Variants in COL4A6 observed in about 807,000 individuals in gnomAD.
COL4A6 encodes the protein collagen alpha-6(IV) chain.
A neutral mutation model predicts 126.7 loss-of-function variants in COL4A6; 59 were observed. That is an observed-to-expected ratio of 0.47 (90% CI 0.38 to 0.58). COL4A6 has a LOEUF of 0.58. Ranked by LOEUF, COL4A6 falls within the 20% of genes least tolerant of loss-of-function variation. The probability of loss-of-function intolerance (pLI) is 0.00; values close to 1 mark genes in which losing one functional copy is unlikely to be tolerated. For synonymous variants in COL4A6, 547 were observed against 496.6 expected (o/e 1.10, Z -1.35); for missense variants, 1,285 against 1,337.3 (o/e 0.96, Z 0.61).
At chrX:108,336,371 G>C (rs2039432583) in intron 2 of COL4A6, among the ~76,000 whole-genome samples, 1 of 111,825 alleles carries the variant, frequency 8.9e-6, no homozygotes, top group Admixed American at 9.5e-5. Flanking sequence ...TGTCGAAAAG[G>C]TTATGCTAAA....
intron 2 of COL4A6, among the ~76,000 whole-genome samples, chrX:108,343,159 A>AGTGTG (rs765105305): frequency 4.4e-4 from 30 of 68,928 alleles, no homozygotes; most frequent in Admixed American, 1.2e-3. Flanking sequence ...ATATATATAT[A>AGTGTG]TATATAGTGT....
At chrX:108,280,814 T>C (rs2037791170) in intron 3 of COL4A6, among the ~76,000 whole-genome samples, 1 of 111,534 alleles carries the variant, frequency 9.0e-6, no homozygotes, top group African/African-American at 3.3e-5. Context: ...GTGGGCTTCA[T>C]CCCTGGGATG....
At chrX:108,299,347 A>C (rs2038421283) in intron 3 of COL4A6, among the ~76,000 whole-genome samples, 1 of 111,689 alleles carries the variant, frequency 9.0e-6, no homozygotes, top group Non-Finnish European at 1.9e-5. Context: ...TTCTTAAAGC[A>C]AAGGGGCCCT....
chrX:108,326,704 A>G (rs780200860), intron 2 of COL4A6, among the ~76,000 whole-genome samples: 6 of 112,611 alleles, frequency 5.3e-5, no homozygotes, highest in Non-Finnish European at 1.1e-4. Flanking sequence ...ATTGTCTTAA[A>G]CAAATGGTGC....
chrX:108,273,276 A>G, intron 3 of COL4A6, among the ~76,000 whole-genome samples: 1 of 110,463 alleles, frequency 9.1e-6, no homozygotes, highest in Non-Finnish European at 1.9e-5. Context: ...CAAAACCACA[A>G]TGAGATACTA....
In COL4A6 at chrX:108,188,566, G is replaced by A; in HGVS notation, c.1538C>T (p.Ala513Val). The change falls in exon 21 of 45, where the codon GCC becomes GTC. Residue 513 changes from alanine (A) to valine (V), a missense_variant. Coordinates refer to ENST00000334504, the MANE Select transcript of COL4A6 (RefSeq NM_033641.4). ...GLIGLPGLKG[A>V]RGDRGSGGAQ... ...ACCCCCAGAGCCTCGATCTCCTCTG[G>A]CTCCTTTAAGGCCTGGAAGGCCTAT... is the stretch of plus-strand genomic sequence containing the variant. 1.7e-6 allele frequency: 2 copies of A among 1,197,590 alleles called. No homozygotes were observed. Among genetic ancestry groups the A allele is most frequent in the Non-Finnish European group, 2.3e-6 (2 of 888,735 alleles).
At chrX:108,339,304 C>T (rs1240469679) in intron 2 of COL4A6, among the ~76,000 whole-genome samples, 3 of 112,149 alleles carry the variant, frequency 2.7e-5, no homozygotes, top group African/African-American at 9.7e-5. Flanking sequence ...TAACTGAAAA[C>T]CAATATTAAG....
At chrX:108,343,159 ATATATAGTGTGTGTGTGT>A (rs772990564) in intron 2 of COL4A6, among the ~76,000 whole-genome samples, 2 of 68,948 alleles carry the variant, frequency 2.9e-5, no homozygotes, top group South Asian at 9.0e-4. Flanking sequence ...ATATATATAT[ATATATAGTGTGTGTGTGT>A]GTGTGTGTGT....
At chrX:108,381,951 ACATCT>A (rs1471517569) in intron 2 of COL4A6, among the ~76,000 whole-genome samples, 1 of 110,709 alleles carries the variant, frequency 9.0e-6, no homozygotes, top group African/African-American at 3.3e-5. Context: ...TTTATGACTA[ACATCT>A]CAGCTCATAT....
intron 3 of COL4A6, 46 bp from the exon 4 acceptor site, chrX:108,221,420 A>G: frequency 1.7e-6 from 2 of 1,162,504 alleles, no homozygotes; most frequent in Non-Finnish European, 2.3e-6. Context: ...AGGACTTAGC[A>G]TTAATACTTC....
chrX:108,209,905 C>G, intron 8 of COL4A6, 64 bp downstream of exon 8: 1 of 1,149,566 alleles, frequency 8.7e-7, no homozygotes, highest in Non-Finnish European at 1.2e-6. Context: ...TAGAGAAGAA[C>G]GAAAATGCAC....
At position 108,186,591 on chromosome X, in the gene COL4A6, G is replaced by A. The variant is rs753928219; in HGVS notation, c.1951+505C>T. Among the ~76,000 whole-genome samples the A allele has an allele frequency of 8.1e-5, 9 of 111,741 alleles. No individual in the cohort carries two copies. The South Asian group carries it at 3.4e-3, about 42-fold the overall frequency. On this transcript the variant is annotated intron_variant, in intron 23 of 44. Transcript: ENST00000334504. ...AATTTCTAAAATTCAAGTAGAAAAA[G>A]AAGTTATATAAAGAGGAAGGAGTTA...
chrX:108,253,962 G>C (rs765370962), intron 3 of COL4A6, among the ~76,000 whole-genome samples: 1 of 111,603 alleles, frequency 9.0e-6, no homozygotes, highest in Non-Finnish European at 1.9e-5. Flanking sequence ...GAATTGTTTG[G>C]TTCACTGAGG....
chrX:108,170,049 C>T, intron 35 of COL4A6, 33 bp from the exon 36 acceptor site: 1 of 1,114,900 alleles, frequency 9.0e-7, no homozygotes. Context: ...ATGGCTCCAG[C>T]AACTCTGAAT....
At chrX:108,339,107 G>A (rs1303412605) in intron 2 of COL4A6, among the ~76,000 whole-genome samples, 2 of 112,051 alleles carry the variant, frequency 1.8e-5, no homozygotes, top group East Asian at 5.6e-4. Context: ...TAGTGGGGTT[G>A]GTGGGGCAGG....
chrX:108,413,209 T>C (rs998462187), intron 2 of COL4A6, among the ~76,000 whole-genome samples: 4 of 111,687 alleles, frequency 3.6e-5, no homozygotes, highest in Non-Finnish European at 7.5e-5. Flanking sequence ...AATCTCCAAA[T>C]GAGATTACTG....
At chrX:108,438,500 G>A (rs2064316640), upstream of COL4A6, 2 of 970,819 alleles carry the variant, frequency 2.1e-6, no homozygotes, top group South Asian at 9.5e-5. Flanking sequence ...CCCCTACCTT[G>A]GGCAGCCGGT....
At chrX:108,405,207 T>G (rs767120632) in intron 2 of COL4A6, among the ~76,000 whole-genome samples, 77 of 110,174 alleles carry the variant, frequency 7.0e-4, no homozygotes, top group East Asian at 1.1e-3. Flanking sequence ...TTTTGTTTTT[T>G]TTTTTCTTGA....
intron 3 of COL4A6, among the ~76,000 whole-genome samples, chrX:108,293,566 A>G (rs1326731195): frequency 9.0e-6 from 1 of 110,738 alleles, no homozygotes; most frequent in Non-Finnish European, 1.9e-5. Context: ...AAAATAGCCC[A>G]TGGGTTATAA....
Sources: allele counts gnomAD v4.1 joint callset (sites outside exome capture counted in the v4.1 genomes callset), GRCh38; gene constraint gnomAD v4.1.1; transcripts MANE v1.5; gene names NCBI Gene and HGNC (gene_info 2026-07-23, HGNC 2026-07-21).